LRP2: variants seen among roughly 807,000 people sequenced by gnomAD.
LRP2 encodes the protein LDL receptor related protein 2, also known as low-density lipoprotein receptor-related protein 2.
A neutral mutation model predicts 531.0 loss-of-function variants in LRP2; 172 were observed. The observed-to-expected ratio is 0.32, with a 90% CI of 0.29 to 0.37. The LOEUF (loss-of-function observed/expected upper bound fraction) is 0.37, where lower values mean the gene tolerates loss of function less well. Among genes scored for constraint, LRP2 ranks in the 10% least tolerant of loss-of-function variants. LRP2 has a pLI of 1.00. For synonymous variants in LRP2, 1,992 were observed against 2,027.6 expected (o/e 0.98, Z 0.47); for missense variants, 5,167 against 5,868.3 (o/e 0.88, Z 3.90).
chr2:169,193,637 C>A, intron 47 of LRP2, 124 bp downstream of exon 47: 1 of 1,196,360 alleles, frequency 8.4e-7, no homozygotes, highest in Non-Finnish European at 1.2e-6. Context: ...ACAAAGGTAA[C>A]ATTCTATCAG....
At position 169,130,288 on chromosome 2, in the gene LRP2, CTTTT is replaced by C. The variant is rs796975261; in HGVS notation, c.13729-1208_13729-1205del. Among the ~76,000 whole-genome samples the C allele has an allele frequency of 2.9e-5, 4 of 138,902 alleles. No homozygotes were observed. In the East Asian group the frequency reaches 6.3e-4, roughly 22 times the overall value. The allele number at this position is 138,902 out of a possible 152,430, so 91.1% of individuals were successfully genotyped here. On this transcript the variant is annotated intron_variant, in intron 77 of 78. Coordinates refer to ENST00000649046, the MANE Select transcript of LRP2 (RefSeq NM_004525.3). ...CTTTTGGAAAATGATAGAACTGAAT[CTTTT>C]TTTTTTTTTTTTTGAGATGAAGTCT...
At chr2:169,314,217 T>A (rs1442555595) in intron 3 of LRP2, among the ~76,000 whole-genome samples, 1 of 150,616 alleles carries the variant, frequency 6.6e-6, no homozygotes, top group South Asian at 2.1e-4. Flanking sequence ...GGCAACATAG[T>A]GAGATCCTTA....
chr2:169,293,320 G>A (rs1052208619), intron 6 of LRP2, among the ~76,000 whole-genome samples: 2 of 152,190 alleles, frequency 1.3e-5, no homozygotes, highest in African/African-American at 2.4e-5. Context: ...GCAGGCAACA[G>A]CATGGACATA....
intron 9 of LRP2, among the ~76,000 whole-genome samples, chr2:169,284,819 T>A (rs1683808724): frequency 6.6e-6 from 1 of 152,052 alleles, no homozygotes; most frequent in Non-Finnish European, 1.5e-5. Context: ...GTACAGGACA[T>A]TCTCCCTCAA....
At chr2:169,235,704 T>C (rs752629716) in intron 29 of LRP2, 136 bp downstream of exon 29, 8 of 717,644 alleles carry the variant, frequency 1.1e-5, no homozygotes, top group Non-Finnish European at 1.7e-5. Flanking sequence ...TGCCTCTCAC[T>C]GTTGCTGGTA....
In LRP2 at chr2:169,279,452, A is replaced by C. The variant is rs549944950; in HGVS notation, c.1485T>G (p.Asn495Lys). The C allele has an allele frequency of 6.2e-7, 1 of 1,614,000 alleles. No homozygotes were observed. The highest frequency in any genetic ancestry group is 1.3e-5 in the African/African-American group (1 of 74,996). Residue 495 changes from asparagine to lysine, a missense_variant, in exon 12 of 79, where the codon AAT (asparagine) becomes AAG (lysine). Coordinates refer to ENST00000649046, the MANE Select transcript of LRP2 (RefSeq NM_004525.3). ...ETKVNRIDMV[N>K]LDGSYRVTLI... ...GGGTAACCCGATAGCTTCCATCCAA[A>C]TTTACCATATCTATGCGGTTGACCT...
chr2:169,177,053 T>C (rs1204773044), intron 53 of LRP2, among the ~76,000 whole-genome samples: 1 of 152,248 alleles, frequency 6.6e-6, no homozygotes, highest in African/African-American at 2.4e-5. Context: ...TTGAGGTGAA[T>C]ATTTGCTTGA....
At chr2:169,305,137 A>G (rs1177496773) in intron 4 of LRP2, among the ~76,000 whole-genome samples, 1 of 152,224 alleles carries the variant, frequency 6.6e-6, no homozygotes, top group Non-Finnish European at 1.5e-5. Context: ...TGTACTAGGA[A>G]CTCTGCTAGG....
In LRP2 at chr2:169,216,296, A is replaced by T; in HGVS notation, c.5783T>A (p.Ile1928Asn). 1 of 1,613,632 alleles carries T rather than the reference A, an allele frequency of 6.2e-7. No individual in the cohort carries two copies. The highest frequency in any genetic ancestry group is 8.5e-7 in the Non-Finnish European group (1 of 1,179,672). Residue 1928 changes from isoleucine to asparagine, a missense_variant, in exon 35 of 79, where the codon ATC becomes AAC. Transcript: ENST00000649046. ...TGCCCAGTAGAGTTTCTGCTCTTCG[A>T]TGTCAAGAGTGACACACTCCAGGTG... is the stretch of plus-strand genomic sequence containing the variant. ...LEHLECVTLD[I>N]EEQKLYWAVT...
At chr2:169,318,066 G>C (rs1684813319) in intron 3 of LRP2, among the ~76,000 whole-genome samples, 1 of 151,986 alleles carries the variant, frequency 6.6e-6, no homozygotes, top group Non-Finnish European at 1.5e-5. Context: ...GAGAGAGTGA[G>C]ACCCTGACTC....
chr2:169,315,069 C>T (rs189299179), intron 3 of LRP2, among the ~76,000 whole-genome samples: 110 of 152,152 alleles, frequency 7.2e-4, no homozygotes, highest in African/African-American at 2.5e-3. Flanking sequence ...AAAGGGCTTA[C>T]GAAGAAGCAA....
intron 63 of LRP2, among the ~76,000 whole-genome samples, chr2:169,158,234 C>G (rs1305888062): frequency 6.6e-6 from 1 of 151,944 alleles, no homozygotes; most frequent in East Asian, 1.9e-4. Flanking sequence ...GCACCAAGGA[C>G]TTTAAAAATA....
intron 46 of LRP2, among the ~76,000 whole-genome samples, chr2:169,196,343 TA>T (rs1231815181): frequency 6.6e-6 from 1 of 152,208 alleles, no homozygotes; most frequent in Non-Finnish European, 1.5e-5. Flanking sequence ...TACAATTATG[TA>T]AAAAATGTGC....
intron 46 of LRP2, 111 bp from the exon 47 acceptor site, chr2:169,194,003 T>C: frequency 8.7e-7 from 1 of 1,147,694 alleles, no homozygotes; most frequent in East Asian, 2.4e-5. Context: ...CAGAGCATTA[T>C]TTAATTATAT....
intron 46 of LRP2, among the ~76,000 whole-genome samples, chr2:169,195,681 T>C (rs973786981): frequency 6.6e-6 from 1 of 152,206 alleles, no homozygotes; most frequent in African/African-American, 2.4e-5. Context: ...AATTCATACA[T>C]TTGAAACAAT....
chr2:169,308,089 G>T (rs1339790965), intron 3 of LRP2, among the ~76,000 whole-genome samples: 1 of 151,978 alleles, frequency 6.6e-6, no homozygotes, highest in Non-Finnish European at 1.5e-5. Context: ...ATCTTATCCT[G>T]GGATTTTAAA....
At chr2:169,300,589 G>A (rs1684263447) in intron 4 of LRP2, among the ~76,000 whole-genome samples, 2 of 152,062 alleles carry the variant, frequency 1.3e-5, no homozygotes, top group South Asian at 4.1e-4. Context: ...AGCTAAGAGG[G>A]ATCTTAGGAT....
intron 1 of LRP2, among the ~76,000 whole-genome samples, chr2:169,338,012 T>C (rs909508342): frequency 2.6e-5 from 4 of 151,692 alleles, no homozygotes; most frequent in African/African-American, 9.7e-5. Flanking sequence ...GAGGCTGAGG[T>C]GGGAGGATCG....
At position 169,361,388 on chromosome 2, in the gene LRP2, CT is replaced by C. The variant is rs1686156449; in HGVS notation, c.79+932del. 8.9e-4 allele frequency among the ~76,000 whole-genome samples: 125 copies of C among 140,670 alleles called. 2 individuals are homozygous for C. The highest frequency in any genetic ancestry group is 3.3e-3 in the African/African-American group (120 of 35,822). The allele number at this position is 140,670 out of a possible 152,430, so 92.3% of individuals were successfully genotyped here. A position where few individuals can be genotyped will look rare whatever the true frequency, so the allele number is the denominator to read the frequency against. Reference sequence around the variant, plus strand: ...TCTCTCTCTCTCTCCCTCTCTCTCTCTCTCTCTGTCTCTCTCCTCTCTCTCC... The same window carrying C: ...TCTCTCTCTCTCTCCCTCTCTCTCTCCTCTCTGTCTCTCTCCTCTCTCTCC... On this transcript the variant is annotated intron_variant, in intron 1 of 78. Transcript: ENST00000649046.
Sources: gnomAD v4.1 joint callset for allele counts (sites outside exome capture counted in the v4.1 genomes callset) on GRCh38, gnomAD v4.1.1 for gene constraint, MANE v1.5 for transcripts, NCBI Gene and HGNC (gene_info 2026-07-23, HGNC 2026-07-21) for gene names.